Variants in DAB2 observed in about 807,000 individuals in gnomAD.
DAB2 encodes disabled homolog 2.
In DAB2, 28 loss-of-function variants were observed where a neutral mutation model predicts 71.6. That is an observed-to-expected ratio of 0.39 (90% confidence interval 0.29 to 0.54). The LOEUF (loss-of-function observed/expected upper bound fraction) is 0.54. Ranked by LOEUF, DAB2 falls within the 20% of genes least tolerant of loss-of-function variation. The pLI, the probability that DAB2 is intolerant of heterozygous loss-of-function variation, is 0.68. For synonymous variants in DAB2, 345 were observed against 339.7 expected, an observed-to-expected ratio of 1.02 and a Z score of -0.17; for missense variants, 867 against 928.8, an observed-to-expected ratio of 0.93 and a Z score of 0.86.
intron 1 of DAB2, among the ~76,000 whole-genome samples, chr5:39,406,227 A>G (rs1755607163): frequency 6.6e-6 from 1 of 152,136 alleles, no homozygotes; most frequent in South Asian, 2.1e-4. Flanking sequence ...TAGGTGTCCA[A>G]TCTGACCCAG....
chr5:39,424,534 AG>A (rs2112124151), intron 1 of DAB2, among the ~76,000 whole-genome samples: 1 of 149,588 alleles, frequency 6.7e-6, no homozygotes, highest in South Asian at 2.1e-4. Flanking sequence ...ACACAAAAGG[AG>A]GCGTTTGTTA....
intron 1 of DAB2, among the ~76,000 whole-genome samples, chr5:39,401,730 GTTATTTAT>G (rs55909785): frequency 2.3e-4 from 33 of 141,280 alleles, no homozygotes; most frequent in East Asian, 1.5e-3. Context: ...CTGAGACTGG[GTTATTTAT>G]TTATTTATTT....
chr5:39,418,818 G>T (rs1248479061), intron 1 of DAB2, among the ~76,000 whole-genome samples: 1 of 152,174 alleles, frequency 6.6e-6, no homozygotes. Flanking sequence ...CTTAGTTATT[G>T]CATTGAGAAT....
At position 39,376,843 on chromosome 5, in the gene DAB2, G is replaced by T. The variant is rs907379715; in HGVS notation, c.1944C>A (p.Ile648=). 1.9e-6 allele frequency: 3 copies of T among 1,614,006 alleles called. No homozygotes were observed. The highest frequency in any genetic ancestry group is 3.3e-5 in the Admixed American group (2 of 59,994). Residue 648 remains isoleucine, a synonymous_variant, in exon 12 of 15, where the codon ATC becomes ATA. Transcript: ENST00000320816. The part of the protein sequence containing the change: ...TALDPLGDKE[I]KDVKEMFKDF... ...CCTTAAACATTTCTTTCACATCCTT[G>T]ATCTCTTTATCCCCAAGTGGGTCTA...
intron 9 of DAB2, among the ~76,000 whole-genome samples, chr5:39,384,338 CAAGT>C (rs1034981618): frequency 2.6e-4 from 40 of 152,242 alleles, no homozygotes; most frequent in African/African-American, 9.1e-4. Flanking sequence ...AAGAGATTAA[CAAGT>C]AATAAAATAG....
At chr5:39,387,561 T>G (rs1755123804) in intron 9 of DAB2, 1 of 152,144 alleles carries the variant, frequency 6.6e-6, no homozygotes, top group Non-Finnish European at 1.5e-5. Context: ...CTCAGGAAAC[T>G]GTTACATAAA....
intron 1 of DAB2, among the ~76,000 whole-genome samples, chr5:39,405,429 A>G (rs183264292): frequency 1.9e-4 from 29 of 152,368 alleles, no homozygotes; most frequent in Non-Finnish European, 3.1e-4. Context: ...AGGAAGTGAC[A>G]TTGAAACTTC....
rs1756012726 is a variant in DAB2 at position 39,422,444 on chromosome 5, C to G, written c.-102+2360G>C. Among the ~76,000 whole-genome samples, 1 of 152,074 alleles carries G rather than the reference C, an allele frequency of 6.6e-6. No homozygotes were observed. The highest frequency in any genetic ancestry group is 1.5e-5 in the Non-Finnish European group (1 of 68,028). On this transcript the variant is annotated intron_variant, in intron 1 of 14. Coordinates refer to ENST00000320816, the MANE Select transcript of DAB2 (RefSeq NM_001343.4). This position sits in a 1 kb window ranked among gnomAD's most constrained non-coding sequence, Gnocchi z 4.1. ...ATCTTGGCTTTGTCTTTAAGAAGAG[C>G]AATAATTAAATCCTCAGGTCAAAAG...
rs1276747941 is a variant in DAB2 at position 39,394,401 on chromosome 5, AACATAACCTCCC to A, written c.-93_-82del. On this transcript the variant is annotated 5_prime_UTR_variant, in exon 2 of 15. The change abolishes an upstream ATG in the 5' untranslated region. Transcript: ENST00000320816. The stretch of plus-strand genomic sequence containing the variant: ...GATCCCGATGGAGAAGTCTCAAATA[AACATAACCTCCC>A]ACAGACACCTGTAGGCAGAGTTTAG... 12 of 1,051,094 alleles carry A rather than the reference AACATAACCTCCC, an allele frequency of 1.1e-5. No homozygotes were observed. In the African/African-American group the frequency reaches 1.9e-4, roughly 16 times the overall value. The allele number at this position is 1,051,094 out of a possible 1,614,324, so 65.1% of individuals were successfully genotyped here. A position where few individuals can be genotyped will look rare whatever the true frequency, so the allele number is the denominator to read the frequency against.
chr5:39,383,786 G>C (rs186401814), intron 9 of DAB2, among the ~76,000 whole-genome samples: 2 of 152,096 alleles, frequency 1.3e-5, no homozygotes, highest in South Asian at 4.1e-4. Flanking sequence ...AAAATTCATC[G>C]ACTAATACAT....
intron 1 of DAB2, among the ~76,000 whole-genome samples, chr5:39,398,726 T>C (rs930779551): frequency 5.9e-5 from 9 of 152,128 alleles, no homozygotes; most frequent in Admixed American, 1.3e-4. Context: ...TTAACAAAAG[T>C]GTACATCCAG....
chr5:39,375,855 C>T, intron 13 of DAB2, 142 bp downstream of exon 13: 1 of 673,822 alleles, frequency 1.5e-6, no homozygotes, highest in South Asian at 1.8e-5. Flanking sequence ...CACTGCACTC[C>T]AGCCTGGCCG....
intron 1 of DAB2, among the ~76,000 whole-genome samples, chr5:39,402,634 T>A (rs984553076): frequency 6.6e-6 from 1 of 152,196 alleles, no homozygotes; most frequent in African/African-American, 2.4e-5. Context: ...TCCAGGCTGA[T>A]CTTGAACTCC....
rs561323584 is a variant in DAB2 at position 39,393,946 on chromosome 5, C to A, written c.91+284G>T. Among the ~76,000 whole-genome samples the A allele has an allele frequency of 4.6e-5, 7 of 152,278 alleles. No homozygotes were observed. In the East Asian group the frequency reaches 7.7e-4, roughly 17 times the overall value. On this transcript the variant is annotated intron_variant, in intron 2 of 14. Transcript: ENST00000320816. ...TGGTAAATAAATAACTGAATGATAA[C>A]CATATAATAATTAACGACTGCATTA...
chr5:39,381,810 C>T (rs760288219), intron 10 of DAB2, among the ~76,000 whole-genome samples, 194 bp from the exon 11 acceptor site: 10 of 152,310 alleles, frequency 6.6e-5, no homozygotes, highest in Middle Eastern at 6.8e-3. Context: ...CTACAACGGA[C>T]GGACTACTGA....
rs1423103950 is a variant in DAB2 at position 39,388,319 on chromosome 5, G to A, written c.673C>T (p.Leu225=). 3.1e-6 allele frequency: 5 copies of A among 1,611,538 alleles called. No individual in the cohort carries two copies. Among genetic ancestry groups the A allele is most frequent in the South Asian group, 1.1e-5 (1 of 90,876 alleles). ...CAAACACTTACTGTTGGACTATTTA[G>A]GTCAGGAGGTGTAGACATGTCCCCA... ...LFGDMSTPPD[L]NSPTESKDIL... Residue 225 remains leucine, a synonymous_variant, in exon 9 of 15, where the codon CTA becomes TTA. Transcript: ENST00000320816.
chr5:39,392,772 T>A (rs916264572), intron 3 of DAB2, among the ~76,000 whole-genome samples: 1 of 152,232 alleles, frequency 6.6e-6, no homozygotes, highest in African/African-American at 2.4e-5. Flanking sequence ...GAACAAGTAT[T>A]ATTTATTCAG....
At position 39,373,124 on chromosome 5, in the gene DAB2, T is replaced by C. The variant is rs1754740159; in HGVS notation, c.*307A>G. 6.6e-6 allele frequency: 1 copy of C among 152,116 alleles called. No homozygotes were observed. The highest frequency in any genetic ancestry group is 2.4e-5 in the African/African-American group (1 of 41,426). The allele number at this position is 152,116 out of a possible 1,614,324, so 9.4% of individuals were successfully genotyped here. On this transcript the variant is annotated 3_prime_UTR_variant, in exon 15 of 15. Transcript: ENST00000320816. Reference sequence around the variant, plus strand: ...CAACCAGAGGGTAGAAGGCAGGTGTTCTAGAAGGTTCCAGGGACACAAGAG... The same window carrying C: ...CAACCAGAGGGTAGAAGGCAGGTGTCCTAGAAGGTTCCAGGGACACAAGAG...
At chr5:39,414,714 A>AGGG (rs72235087) in intron 1 of DAB2, among the ~76,000 whole-genome samples, 20 of 139,772 alleles carry the variant, frequency 1.4e-4, no homozygotes, top group African/African-American at 4.4e-4. Flanking sequence ...AGTTAAAAAA[A>AGGG]GGGGGGGGGG....
Sources: gnomAD v4.1 joint callset for allele counts (sites outside exome capture counted in the v4.1 genomes callset) on GRCh38, gnomAD v4.1.1 for gene constraint, Gnocchi (gnomAD v3.1) non-coding constraint, MANE v1.5 for transcripts, NCBI Gene and HGNC (gene_info 2026-07-23, HGNC 2026-07-21) for gene names.